Variants in SUCLA2 observed in about 807,000 individuals in gnomAD.
SUCLA2 encodes succinate-CoA ligase ADP-forming subunit beta.
A neutral mutation model predicts 54.8 loss-of-function variants in SUCLA2; 30 were observed. That is an observed-to-expected ratio of 0.55 (90% CI 0.41 to 0.74). The LOEUF (loss-of-function observed/expected upper bound fraction) is 0.74. Ranked by LOEUF, SUCLA2 falls within the 30% of genes least tolerant of loss-of-function variation. The pLI, the probability that SUCLA2 is intolerant of heterozygous loss-of-function variation, is 0.00. For synonymous variants in SUCLA2, 172 were observed against 188.9 expected (o/e 0.91, Z 0.74); for missense variants, 476 against 562.9 (o/e 0.85, Z 1.56).
chr13:47,988,429 G>T, intron 4 of SUCLA2, 112 bp downstream of exon 4: 1 of 1,263,612 alleles, frequency 7.9e-7, no homozygotes, highest in South Asian at 1.3e-5. Flanking sequence ...CATACAAACA[G>T]ATTATAATTT....
rs780495975 is a variant in SUCLA2, at chr13:47,949,557, T to A, written c.1154A>T (p.Asp385Val). 1 of 1,613,410 alleles carries A rather than the reference T, an allele frequency of 6.2e-7. No homozygotes were observed. The highest frequency in any genetic ancestry group is 1.7e-5 in the Admixed American group (1 of 59,974). The stretch of plus-strand genomic sequence containing the variant: ...CATGACTATACCCTGTGCAATAACA[T>A]CACAGCGCATGATTCCTCCAAAAAT... ...VNIFGGIMRC[D>V]VIAQGIVMAV... The change falls in exon 9 of 11, where the codon GAT (aspartate) becomes GTT (valine). Residue 385 changes from aspartate to valine, a missense_variant. Physicochemically the swap from Asp to Val is radical, Grantham distance 152. Around this residue, in one of 2 missense-constraint regions of SUCLA2, gnomAD observed 342 missense variants for 444.2 expected, o/e 0.77. Coordinates refer to ENST00000646932, the MANE Select transcript of SUCLA2 (RefSeq NM_003850.3).
At chr13:47,968,984 C>T (rs956336973) in intron 5 of SUCLA2, among the ~76,000 whole-genome samples, 1 of 152,212 alleles carries the variant, frequency 6.6e-6, no homozygotes, top group African/African-American at 2.4e-5. Context: ...ACTTGCCATT[C>T]ATTGGCCTAG....
At chr13:47,990,739 G>A (rs1185786673) in intron 2 of SUCLA2, among the ~76,000 whole-genome samples, 5 of 152,076 alleles carry the variant, frequency 3.3e-5, no homozygotes, top group East Asian at 1.9e-4. Flanking sequence ...GTCACTCCAC[G>A]ATGCATTTAT....
intron 8 of SUCLA2, 116 bp downstream of exon 8, chr13:47,954,024 T>C: frequency 2.0e-6 from 2 of 975,844 alleles, no homozygotes; most frequent in East Asian, 7.1e-5. Context: ...ACTCAAAATA[T>C]ATATTAAAAG....
intron 6 of SUCLA2, among the ~76,000 whole-genome samples, chr13:47,955,822 T>A (rs575419318): frequency 6.6e-6 from 1 of 152,152 alleles, no homozygotes; most frequent in African/African-American, 2.4e-5. Flanking sequence ...CTCACTCCAA[T>A]CTAACCACAA....
At position 47,949,522 on chromosome 13, in the gene SUCLA2, C is replaced by A. The variant is rs1297869079; in HGVS notation, c.1189G>T (p.Asp397Tyr). 3 of 1,613,644 alleles carry A rather than the reference C, an allele frequency of 1.9e-6. No homozygotes were observed. In the South Asian group the frequency reaches 3.3e-5, roughly 18 times the overall value. Reference protein sequence around the residue: ...IAQGIVMAVKDLEIKIPVVVR... With the variant: ...IAQGIVMAVKYLEIKIPVVVR... ...ACAACAGGTATTTTAATTTCCAAGT[C>A]TTTTACTGCCATGACTATACCCTGT... Residue 397 changes from aspartate to tyrosine, a missense_variant, in exon 9 of 11, where the codon GAC (aspartate) becomes TAC (tyrosine). Asp to Tyr is a radical substitution (Grantham distance 160). Around this residue, in one of 2 missense-constraint regions of SUCLA2, gnomAD observed 342 missense variants for 444.2 expected, o/e 0.77. Transcript: ENST00000646932.
At chr13:47,951,361 A>T (rs185838974) in intron 8 of SUCLA2, among the ~76,000 whole-genome samples, 7 of 119,360 alleles carry the variant, frequency 5.9e-5, no homozygotes, top group African/African-American at 2.0e-4. Flanking sequence ...ATCCCTCTCT[A>T]ATCTTCTACT....
At position 47,954,270 on chromosome 13, in the gene SUCLA2, C is replaced by A; in HGVS notation, c.977G>T (p.Gly326Val). ...GNIGCLVNGAGLAMATMDIIK... is the reference protein window; with the variant it reads ...GNIGCLVNGAVLAMATMDIIK... ...TATATCCATTGTGGCCATAGCCAAA[C>A]CAGCACCATTTACTATATAGGGGAA... Residue 326 changes from glycine to valine, a missense_variant, in exon 8 of 11, where the codon GGT (glycine) becomes GTT (valine). By Grantham distance (109) the Gly-to-Val change is moderately radical. Coordinates refer to ENST00000646932, the MANE Select transcript of SUCLA2 (RefSeq NM_003850.3). The A allele has an allele frequency of 6.2e-7, 1 of 1,613,890 alleles. No homozygotes were observed. The highest frequency in any genetic ancestry group is 8.5e-7 in the Non-Finnish European group (1 of 1,179,846).
chr13:47,943,980 T>G (rs1160023701), intron 10 of SUCLA2, among the ~76,000 whole-genome samples: 4 of 152,020 alleles, frequency 2.6e-5, no homozygotes, highest in Non-Finnish European at 5.9e-5. Context: ...TGAGTTCCAA[T>G]TCTCTCTACA....
chr13:47,984,041 T>C (rs563960254), intron 4 of SUCLA2, among the ~76,000 whole-genome samples: 4 of 152,348 alleles, frequency 2.6e-5, no homozygotes, highest in South Asian at 2.1e-4. Flanking sequence ...ACAATGACTA[T>C]AGTTCCACAT....
chr13:47,997,585 G>GTT (rs1463424740), intron 1 of SUCLA2, among the ~76,000 whole-genome samples: 1 of 152,182 alleles, frequency 6.6e-6, no homozygotes, highest in Non-Finnish European at 1.5e-5. Context: ...GGGAGTGCTG[G>GTT]TTGCTGACAG....
intron 4 of SUCLA2, among the ~76,000 whole-genome samples, chr13:47,985,822 C>A (rs907030332): frequency 2.6e-5 from 4 of 152,140 alleles, no homozygotes; most frequent in Non-Finnish European, 5.9e-5. Flanking sequence ...CACTGTCTTC[C>A]ACAATGGTTG....
At chr13:47,971,657 A>C (rs915828832) in intron 5 of SUCLA2, 4 of 370,546 alleles carry the variant, frequency 1.1e-5, no homozygotes, top group Non-Finnish European at 1.9e-5. Context: ...AATTGAAAGA[A>C]TTGAAAGAAG....
rs968903572 is a variant in SUCLA2, at chr13:47,983,128, CT to C, written c.534+5412del. Among the ~76,000 whole-genome samples, 11 of 151,966 alleles carry C rather than the reference CT, an allele frequency of 7.2e-5. No homozygotes were observed. The East Asian group carries it at 1.7e-3, about 24-fold the overall frequency. On this transcript the variant is annotated intron_variant, in intron 4 of 10. Transcript: ENST00000646932. The stretch of plus-strand genomic sequence containing the variant: ...AACTCCTTTCAATATAAAAAAAAAA[CT>C]TTTTTAAATAAAAGAATTCAGAGCC...
At chr13:47,989,518 G>A (rs1246167451) in intron 2 of SUCLA2, among the ~76,000 whole-genome samples, 1 of 151,020 alleles carries the variant, frequency 6.6e-6, no homozygotes, top group East Asian at 2.0e-4. Flanking sequence ...TTACAGGCAT[G>A]AGCCACCGCA....
intron 6 of SUCLA2, among the ~76,000 whole-genome samples, chr13:47,958,340 G>A (rs1949838341): frequency 1.3e-5 from 2 of 152,056 alleles, no homozygotes; most frequent in South Asian, 4.2e-4. Context: ...AACACTACTG[G>A]ATTTTCATTT....
chr13:47,989,093 T>C, intron 2 of SUCLA2, 112 bp from the exon 3 acceptor site: 1 of 1,074,402 alleles, frequency 9.3e-7, no homozygotes, highest in Non-Finnish European at 1.4e-6. Context: ...GTCTAATTTA[T>C]TCACAATGTC....
intron 1 of SUCLA2, 101 bp downstream of exon 1, chr13:48,001,079 T>C: frequency 6.5e-7 from 1 of 1,528,336 alleles, no homozygotes; most frequent in Non-Finnish European, 8.9e-7. Flanking sequence ...CCAGAAAATG[T>C]CACTGCCGGC....
chr13:47,996,254 C>T (rs1399427555), intron 2 of SUCLA2, among the ~76,000 whole-genome samples: 5 of 146,416 alleles, frequency 3.4e-5, no homozygotes, highest in South Asian at 2.2e-4. Context: ...ACCCGGGAAG[C>T]GGAGGTTGCA....
Sources: gnomAD v4.1 joint callset for allele counts (sites outside exome capture counted in the v4.1 genomes callset) on GRCh38, gnomAD v4.1.1 for gene constraint, gnomAD v4.1.1 regional missense constraint, MANE v1.5 for transcripts, NCBI Gene and HGNC (gene_info 2026-07-23, HGNC 2026-07-21) for gene names.